The following FECH variants were observed in gnomAD, a reference collection of about 807,000 sequenced individuals.
FECH encodes ferrochelatase, also known as ferrochelatase, mitochondrial.
In FECH, 40 loss-of-function variants were observed where a neutral mutation model predicts 56.9. That is an observed-to-expected ratio of 0.70 (90% confidence interval 0.55 to 0.92). The LOEUF (loss-of-function observed/expected upper bound fraction) is 0.92. Ranked by LOEUF, FECH falls within the 40% of genes least tolerant of loss-of-function variation. FECH has a pLI of 0.00. For synonymous variants in FECH, 175 were observed against 198.6 expected, an observed-to-expected ratio of 0.88 and a Z score of 1.00; for missense variants, 431 against 529.1, an observed-to-expected ratio of 0.81 and a Z score of 1.82.
At chr18:57,579,295 G>A (rs1480651079) in intron 2 of FECH, among the ~76,000 whole-genome samples, 2 of 136,638 alleles carry the variant, frequency 1.5e-5, no homozygotes, top group Non-Finnish European at 3.2e-5. Flanking sequence ...ATATATGTGT[G>A]TGTGTGTGTG....
chr18:57,553,274 C>T (rs2050823243), intron 9 of FECH, among the ~76,000 whole-genome samples: 1 of 152,106 alleles, frequency 6.6e-6, no homozygotes, highest in Non-Finnish European at 1.5e-5. Context: ...GTGTCAGAAC[C>T]ACTGACAAGA....
intron 1 of FECH, among the ~76,000 whole-genome samples, chr18:57,585,143 T>C (rs2051348620): frequency 6.6e-6 from 1 of 152,158 alleles, no homozygotes; most frequent in Admixed American, 6.5e-5. Flanking sequence ...ATTAATTCTG[T>C]AATATGCTAA....
chr18:57,556,343 G>T (rs2050867059), intron 7 of FECH, among the ~76,000 whole-genome samples: 1 of 152,090 alleles, frequency 6.6e-6, no homozygotes, highest in African/African-American at 2.4e-5. Flanking sequence ...TCTCCTCCAA[G>T]ATATTTTTAA....
At chr18:57,574,110 T>A (rs187054134) in intron 2 of FECH, among the ~76,000 whole-genome samples, 1 of 152,322 alleles carries the variant, frequency 6.6e-6, no homozygotes, top group East Asian at 1.9e-4. Context: ...GTTTAAGCAA[T>A]TCTCCTGCCT....
chr18:57,550,961 G>A (rs965200098), intron 10 of FECH, 115 bp from the exon 11 acceptor site: 26 of 1,387,036 alleles, frequency 1.9e-5, no homozygotes, highest in East Asian at 2.4e-5. Context: ...CTTTTCATCC[G>A]AGTGGTGAGC....
rs140909459 is a variant in FECH at position 57,566,493 on chromosome 18, C to G, written c.552G>C (p.Arg184Ser). The G allele has an allele frequency of 1.1e-5, 18 of 1,614,174 alleles. No individual in the cohort carries two copies. Among genetic ancestry groups the G allele is most frequent in the Non-Finnish European group, 1.5e-5 (18 of 1,180,028 alleles). Residue 184 changes from arginine to serine, a missense_variant, in exon 5 of 11, where the codon AGG (arginine) becomes AGC (serine). Physicochemically the swap from Arg to Ser is moderately radical, Grantham distance 110 (BLOSUM62 -1). Coordinates refer to ENST00000262093, the MANE Select transcript of FECH (RefSeq NM_000140.5). ...GTGGATACTGTGTGAAAGCAATAGC[C>G]CTTTCTAGGCCATCTCTCTCCATCT... ...IEEMERDGLE[R>S]AIAFTQYPQY...
At chr18:57,573,409 T>A (rs759193299) in intron 2 of FECH, 44 bp from the exon 3 acceptor site, 10 of 1,612,026 alleles carry the variant, frequency 6.2e-6, no homozygotes, top group Non-Finnish European at 8.5e-6. Context: ...ACACTTCTTA[T>A]TTTCTTCCAG....
Position 57,554,859 on chromosome 18 carries a change from C to A in FECH, c.898G>T (p.Val300Leu), listed in dbSNP as rs775022566. 12 of 1,614,016 alleles carry A rather than the reference C, an allele frequency of 7.4e-6. No homozygotes were observed. Among genetic ancestry groups the A allele is most frequent in the Non-Finnish European group, 1.0e-5 (12 of 1,179,992 alleles). ...AAGCCACTTACCTTGGATTGCCACA[C>A]CAGTCGGTAGGGGTTGCAGTACTCC... ...RLEYCNPYRL[V>L]WQSKVGPMPW... is the part of the protein sequence containing the mutation. The change falls in exon 8 of 11, where the codon GTG (valine) becomes TTG (leucine). Residue 300 changes from valine to leucine, a missense_variant. Transcript: ENST00000262093.
intron 7 of FECH, among the ~76,000 whole-genome samples, chr18:57,555,923 G>A (rs1388975907): frequency 6.6e-6 from 1 of 152,218 alleles, no homozygotes; most frequent in Non-Finnish European, 1.5e-5. Context: ...GAGGTCAGGA[G>A]TTCGAGACCA....
At chr18:57,580,676 C>G (rs904331227) in intron 1 of FECH, among the ~76,000 whole-genome samples, 1 of 152,296 alleles carries the variant, frequency 6.6e-6, no homozygotes, top group East Asian at 1.9e-4. Flanking sequence ...GAACCCAGTA[C>G]TGCCCTTGAA....
At chr18:57,556,426 T>C (rs2050867838) in intron 7 of FECH, among the ~76,000 whole-genome samples, 1 of 152,056 alleles carries the variant, frequency 6.6e-6, no homozygotes, top group Non-Finnish European at 1.5e-5. Flanking sequence ...TGGCCAGGGA[T>C]CACATCACCA....
At position 57,546,091 on chromosome 18, in the gene FECH, C is replaced by G. The variant is rs1179088988; in HGVS notation, c.*4621G>C. ...AGTTTCCGGGTGAGCTCAGAATTTT[C>G]TTATTCCAGCTTGTGACATCTCAAT... On this transcript the variant is annotated 3_prime_UTR_variant, in exon 11 of 11. Coordinates refer to ENST00000262093, the MANE Select transcript of FECH (RefSeq NM_000140.5). Among the ~76,000 whole-genome samples, 2 of 152,150 alleles carry G rather than the reference C, an allele frequency of 1.3e-5. No individual in the cohort carries two copies. Among genetic ancestry groups the G allele is most frequent in the Non-Finnish European group, 2.9e-5 (2 of 68,016 alleles).
intron 7 of FECH, among the ~76,000 whole-genome samples, chr18:57,557,861 G>A (rs762347333): frequency 6.6e-5 from 10 of 152,208 alleles, no homozygotes; most frequent in South Asian, 4.1e-4. Context: ...TGGCATCTCA[G>A]GCGAGGTCTC....
At chr18:57,577,908 CAGAG>C (rs1376468870) in intron 2 of FECH, among the ~76,000 whole-genome samples, 1 of 151,596 alleles carries the variant, frequency 6.6e-6, no homozygotes, top group East Asian at 1.9e-4. Flanking sequence ...TTTAAGAAGA[CAGAG>C]AGAGACAAAA....
chr18:57,575,228 T>C (rs116015927), intron 2 of FECH, among the ~76,000 whole-genome samples: 19 of 152,270 alleles, frequency 1.2e-4, no homozygotes, highest in African/African-American at 4.6e-4. Context: ...GGTTATACCC[T>C]CTATTCACTT....
At chr18:57,576,788 C>A (rs937397837) in intron 2 of FECH, among the ~76,000 whole-genome samples, 4 of 152,136 alleles carry the variant, frequency 2.6e-5, no homozygotes, top group East Asian at 1.9e-4. Context: ...TGATGAATAG[C>A]GCATTAGTAA....
chr18:57,580,151 C>A lies in FECH; in HGVS notation c.116G>T (p.Gly39Val), dbSNP rs2122357731. The A allele has an allele frequency of 1.9e-6, 3 of 1,614,204 alleles. No individual in the cohort carries two copies. Among genetic ancestry groups the A allele is most frequent in the Non-Finnish European group, 2.5e-6 (3 of 1,180,046 alleles). The change falls in exon 2 of 11, where the codon GGT becomes GTT. Residue 39 changes from glycine to valine, a missense_variant. Transcript: ENST00000262093. ...RVCQPWRWKS[G>V]AAAAAVTTET... The stretch of plus-strand genomic sequence containing the variant: ...TGTGGTGACGGCCGCTGCAGCTGCA[C>A]CTGACTTCCACCTCCATGGCTGACA...
At chr18:57,559,048 T>C (rs1029781484) in intron 7 of FECH, 97 bp downstream of exon 7, 1 of 834,352 alleles carries the variant, frequency 1.2e-6, no homozygotes, top group Non-Finnish European at 2.1e-6. Context: ...GCACTGGGCT[T>C]AGGACATAAT....
In FECH at chr18:57,545,366, G is replaced by A. The variant is rs749431592; in HGVS notation, c.*5346C>T. 3.9e-5 allele frequency among the ~76,000 whole-genome samples: 6 copies of A among 152,182 alleles called. No homozygotes were observed. The highest frequency in any genetic ancestry group is 2.6e-4 in the Admixed American group (4 of 15,290). On this transcript the variant is annotated 3_prime_UTR_variant, in exon 11 of 11. Transcript: ENST00000262093. The stretch of plus-strand genomic sequence containing the variant: ...AATGATTCCAGCTAAAAACAACGAA[G>A]CCGGTACTATCACAGTATGTTGTAA...
Sources: gnomAD v4.1 joint callset for allele counts (sites outside exome capture counted in the v4.1 genomes callset) on GRCh38, gnomAD v4.1.1 for gene constraint, MANE v1.5 for transcripts, NCBI Gene and HGNC (gene_info 2026-07-23, HGNC 2026-07-21) for gene names.